The following PIWIL1 variants were observed in gnomAD, a reference collection of about 807,000 sequenced individuals.
PIWIL1 encodes the protein piwi like RNA-mediated gene silencing 1, also known as piwi-like protein 1.
PIWIL1 carries 73 observed loss-of-function variants against 114.4 expected under a neutral mutation model. The observed-to-expected ratio is 0.64, with a 90% CI of 0.53 to 0.78. The LOEUF is 0.78. PIWIL1 is among the 30% of genes least tolerant of loss of function. The pLI is 0.00. For missense variants in PIWIL1, 723 were observed against 1,063.1 expected, an observed-to-expected ratio of 0.68 and a Z score of 4.45; for synonymous variants, 375 against 369.0, an observed-to-expected ratio of 1.02 and a Z score of -0.19.
the PIWIL1 span, among the ~76,000 whole-genome samples, chr12:130,395,723 A>AAAGAC: frequency 6.6e-6 from 1 of 152,266 alleles, no homozygotes; most frequent in East Asian, 1.9e-4. Context: ...CTTTCTTTGA[A>AAAGAC]AAGACATCAT....
chr12:130,376,304 T>TA (rs2073865658), downstream of PIWIL1, among the ~76,000 whole-genome samples: 1 of 152,226 alleles, frequency 6.6e-6, no homozygotes, highest in East Asian at 1.9e-4. Context: ...CATCTAAAAA[T>TA]ATGCGTGCCC....
the PIWIL1 span, among the ~76,000 whole-genome samples, chr12:130,411,339 GT>G: frequency 6.6e-6 from 1 of 152,082 alleles, no homozygotes; most frequent in African/African-American, 2.4e-5. Context: ...TGTACACCAG[GT>G]GTGACTTCCC....
Position 130,349,970 on chromosome 12 carries a change from A to G in PIWIL1, c.1044+3A>G, listed in dbSNP as rs1216157076. 2.6e-6 allele frequency: 4 copies of G among 1,534,700 alleles called. No homozygotes were observed. Among genetic ancestry groups the G allele is most frequent in the Non-Finnish European group, 3.6e-6 (4 of 1,113,228 alleles). Reference sequence around the variant, plus strand: ...GCTTCTTAGAATACTACAGGAAGGTAAGATGCCAGTGGTTAGATCTCAGGA... The same window carrying G: ...GCTTCTTAGAATACTACAGGAAGGTGAGATGCCAGTGGTTAGATCTCAGGA... On this transcript the variant is annotated splice_donor_region_variant and intron_variant, in intron 9 of 20. Transcript: ENST00000245255.
Position 130,354,673 on chromosome 12 carries a change from C to G in PIWIL1, c.1171+10C>G, listed in dbSNP as rs774045226. 1.2e-5 allele frequency: 19 copies of G among 1,561,230 alleles called. No homozygotes were observed. Among genetic ancestry groups the G allele is most frequent in the Non-Finnish European group, 1.6e-5 (18 of 1,157,174 alleles). ...CTCTGCTATCTTACAGGTACTGTTG[C>G]ATTTCATTTACTCGGAAGGAAGCCA... On this transcript the variant is annotated intron_variant, in intron 10 of 20. Transcript: ENST00000245255.
In PIWIL1 at chr12:130,342,581, A is replaced by C; in HGVS notation, c.-11A>C. ...TCTTCAAGATTGTTTCCTCTCCAGA[A>C]ATAGAAAACAATGACTGGGAGAGCC... On this transcript the variant is annotated splice_region_variant and 5_prime_UTR_variant, in exon 2 of 21. Coordinates refer to ENST00000245255, the MANE Select transcript of PIWIL1 (RefSeq NM_004764.5). 6.3e-7 allele frequency: 1 copy of C among 1,597,556 alleles called. No individual in the cohort carries two copies.
chr12:130,340,551 C>T (rs1018687836), intron 1 of PIWIL1, among the ~76,000 whole-genome samples: 43 of 150,226 alleles, frequency 2.9e-4, no homozygotes, highest in African/African-American at 9.5e-4. Context: ...GGCTGTCCTG[C>T]TCACTCACTG....
downstream of PIWIL1, among the ~76,000 whole-genome samples, chr12:130,373,066 C>A (rs1273922361): frequency 1.3e-5 from 2 of 152,118 alleles, no homozygotes; most frequent in Non-Finnish European, 2.9e-5. Context: ...TTTTATTTTC[C>A]TTTTAGTTCT....
In PIWIL1 at chr12:130,363,147, A is replaced by T; in HGVS notation, c.2195+3A>T. 1 of 1,611,978 alleles carries T rather than the reference A, an allele frequency of 6.2e-7. No individual in the cohort carries two copies. Among genetic ancestry groups the T allele is most frequent in the Non-Finnish European group, 8.5e-7 (1 of 1,178,522 alleles). On this transcript the variant is annotated splice_donor_region_variant and intron_variant, in intron 18 of 20. Transcript: ENST00000245255. ...AAATCCATTGGTAGAGGTTACAAGT[A>T]AGCATGCAAATTGTAAAGCATTTTC...
At chr12:130,408,000 G>A in the PIWIL1 span, among the ~76,000 whole-genome samples, 1 of 152,132 alleles carries the variant, frequency 6.6e-6, no homozygotes, top group Non-Finnish European at 1.5e-5. Context: ...TTGGGTCAGT[G>A]GTCTGGGACT....
chr12:130,364,859 A>C (rs1767915085), intron 18 of PIWIL1, among the ~76,000 whole-genome samples: 1 of 152,158 alleles, frequency 6.6e-6, no homozygotes, highest in Non-Finnish European at 1.5e-5. Context: ...TCATACCTGA[A>C]GTGAAGGAAA....
chr12:130,404,853 C>T, the PIWIL1 span, among the ~76,000 whole-genome samples: 2 of 152,098 alleles, frequency 1.3e-5, no homozygotes, highest in African/African-American at 2.4e-5. Context: ...ATAATTAAGA[C>T]AGCATGGAGT....
rs1397225767 is a variant in PIWIL1, at chr12:130,354,894, C to T, written c.1178C>T (p.Thr393Ile). 1 of 1,607,764 alleles carries T rather than the reference C, an allele frequency of 6.2e-7. No homozygotes were observed. The highest frequency in any genetic ancestry group is 8.5e-7 in the Non-Finnish European group (1 of 1,174,508). Residue 393 changes from threonine (T) to isoleucine (I), a missense_variant, in exon 11 of 21, where the codon ACT (threonine) becomes ATT (isoleucine). Transcript: ENST00000245255. ...IPELCYLTGL[T>I]DKMRNDFNVM... The stretch of plus-strand genomic sequence containing the variant: ...TTAAATGTCTTATTTAAAGGTCTAA[C>T]TGATAAAATGCGTAATGATTTTAAC...
the PIWIL1 span, among the ~76,000 whole-genome samples, chr12:130,377,677 T>C: frequency 1.3e-5 from 2 of 152,240 alleles, no homozygotes; most frequent in Non-Finnish European, 2.9e-5. Flanking sequence ...TCCCCACCCA[T>C]GTGGCATAAA....
intron 7 of PIWIL1, among the ~76,000 whole-genome samples, chr12:130,348,509 G>A (rs749883558): frequency 6.6e-6 from 1 of 152,040 alleles, no homozygotes; most frequent in South Asian, 2.1e-4. Flanking sequence ...ATTGTGCTCC[G>A]TGCCTCAGTG....
At chr12:130,412,336 C>G in the PIWIL1 span, among the ~76,000 whole-genome samples, 36 of 152,202 alleles carry the variant, frequency 2.4e-4, no homozygotes, top group Middle Eastern at 3.4e-3. Context: ...TTTCTAGATG[C>G]GATAAATTGT....
intron 9 of PIWIL1, 143 bp from the exon 10 acceptor site, chr12:130,354,394 T>C (rs2073303747): frequency 6.5e-6 from 7 of 1,076,080 alleles, no homozygotes; most frequent in Admixed American, 4.5e-5. Flanking sequence ...AAAATGCCTT[T>C]TTAAAACTTT....
At chr12:130,360,439 C>A (rs147348741) in intron 14 of PIWIL1, among the ~76,000 whole-genome samples, 373 of 152,234 alleles carry the variant, frequency 2.5e-3, no homozygotes, top group Non-Finnish European at 3.9e-3. Context: ...TTGAGAACAT[C>A]TTGGCCGACA....
the PIWIL1 span, chr12:130,396,710 T>G: frequency 1.3e-5 from 2 of 152,664 alleles, no homozygotes; most frequent in Non-Finnish European, 2.9e-5. Context: ...CTTTCTCTCC[T>G]TTTCTCTTTT....
chr12:130,342,651 G>C lies in PIWIL1; in HGVS notation c.60G>C (p.Gln20His). Residue 20 changes from glutamine to histidine, a missense_variant, in exon 2 of 21, where the codon CAG becomes CAC. Physicochemically the swap from Gln to His is conservative, Grantham distance 24. Coordinates refer to ENST00000245255, the MANE Select transcript of PIWIL1 (RefSeq NM_004764.5). ...RGRARGQETA[Q>H]LVGSTASQQP... ...GGGCCCGCGGTCAGGAGACAGCGCA[G>C]CTGGTGGGCTCCACTGCCGTGAGTG... 6.2e-7 allele frequency: 1 copy of C among 1,613,370 alleles called. No individual in the cohort carries two copies. The highest frequency in any genetic ancestry group is 1.1e-5 in the South Asian group (1 of 90,970).
Sources: gnomAD v4.1 joint callset for allele counts (sites outside exome capture counted in the v4.1 genomes callset) on GRCh38, gnomAD v4.1.1 for gene constraint, MANE v1.5 for transcripts, NCBI Gene and HGNC (gene_info 2026-07-23, HGNC 2026-07-21) for gene names.